Variants in CYLD observed in about 807,000 individuals in gnomAD.
CYLD encodes the protein ubiquitin carboxyl-terminal hydrolase CYLD.
In CYLD, 26 loss-of-function variants were observed where a neutral mutation model predicts 104.5. That is an observed-to-expected ratio of 0.25 (90% CI 0.18 to 0.35). CYLD has a LOEUF of 0.35. Among genes scored for constraint, CYLD ranks in the 10% least tolerant of loss-of-function variants. CYLD has a pLI of 1.00. For missense variants in CYLD, 703 were observed against 1,136.1 expected, an observed-to-expected ratio of 0.62 and a Z score of 5.48; for synonymous variants, 385 against 399.9, an observed-to-expected ratio of 0.96 and a Z score of 0.45.
At position 50,767,267 on chromosome 16, in the gene CYLD, G is replaced by A. The variant is rs185454819; in HGVS notation, c.914-7899G>A. Among the ~76,000 whole-genome samples, 267 of 152,200 alleles carry A rather than the reference G, an allele frequency of 1.8e-3. 1 individual carries two copies. The highest frequency in any genetic ancestry group is 2.7e-3 in the Non-Finnish European group (186 of 68,002). On this transcript the variant is annotated intron_variant, in intron 5 of 18. Coordinates refer to ENST00000427738, the MANE Select transcript of CYLD (RefSeq NM_001378743.1). ...GCAATGAAATATTTTTAAAATTAAG[G>A]TATATACATTATTTTCAATAACATA...
Position 50,780,026 on chromosome 16 carries a change from G to A in CYLD, c.1500G>A (p.Val500=), listed in dbSNP as rs2150991896. The part of the protein sequence containing the change: ...WIGQPPGLNE[V]LAGLELEDEC... The stretch of plus-strand genomic sequence containing the variant: ...GTCAGCCACCAGGACTGAATGAAGT[G>A]CTCGCTGGACTGGAACTGGTAATTT... The change falls in exon 9 of 19, where the codon GTG becomes GTA. Residue 500 remains valine, a synonymous_variant. Transcript: ENST00000427738. 8 of 1,614,106 alleles carry A rather than the reference G, an allele frequency of 5.0e-6. No homozygotes were observed. Among genetic ancestry groups the A allele is most frequent in the Non-Finnish European group, 6.8e-6 (8 of 1,179,990 alleles).
At chr16:50,796,193 A>C in intron 18 of CYLD, 131 bp from the exon 19 acceptor site, 1 of 841,114 alleles carries the variant, frequency 1.2e-6, no homozygotes. Flanking sequence ...TTTCACTTCC[A>C]GAAATCAGAA....
At chr16:50,774,395 AC>A (rs1423132857) in intron 5 of CYLD, among the ~76,000 whole-genome samples, 26 of 152,312 alleles carry the variant, frequency 1.7e-4, no homozygotes, top group African/African-American at 6.3e-4. Flanking sequence ...CCCTACGTAT[AC>A]TGTGTTTTTC....
At chr16:50,755,001 A>G (rs1209790190) in intron 5 of CYLD, among the ~76,000 whole-genome samples, 4 of 13,140 alleles carry the variant, frequency 3.0e-4, no homozygotes, top group Non-Finnish European at 5.4e-4. Flanking sequence ...ATATATGTAT[A>G]TATACATATA....
intron 2 of CYLD, among the ~76,000 whole-genome samples, chr16:50,748,696 G>A (rs1453627003): frequency 6.6e-6 from 1 of 151,996 alleles, no homozygotes; most frequent in Non-Finnish European, 1.5e-5. Context: ...TTTTAATATA[G>A]TCATATTATA....
chr16:50,783,152 G>C (rs1567450094), intron 11 of CYLD, among the ~76,000 whole-genome samples: 1 of 151,874 alleles, frequency 6.6e-6, no homozygotes, highest in Admixed American at 6.6e-5. Context: ...GGCTGGTCTC[G>C]AACGTCTCAC....
chr16:50,792,525 A>T, intron 15 of CYLD, 72 bp from the exon 16 acceptor site: 2 of 975,676 alleles, frequency 2.0e-6, no homozygotes, highest in Non-Finnish European at 3.2e-6. Context: ...GACAGCCATG[A>T]CTATTTTGGT....
chr16:50,775,844 G>A (rs1322331016), intron 6 of CYLD, among the ~76,000 whole-genome samples: 2 of 152,092 alleles, frequency 1.3e-5, no homozygotes, highest in Non-Finnish European at 2.9e-5. Flanking sequence ...GGGAAATGCT[G>A]TAAAAAACCG....
chr16:50,755,360 T>C (rs958842330), intron 5 of CYLD, among the ~76,000 whole-genome samples: 3 of 152,104 alleles, frequency 2.0e-5, no homozygotes, highest in African/African-American at 7.2e-5. Context: ...AGTATCTTTT[T>C]CCTATAATCA....
At chr16:50,764,964 C>T (rs534372755) in intron 5 of CYLD, among the ~76,000 whole-genome samples, 1 of 152,328 alleles carries the variant, frequency 6.6e-6, no homozygotes, top group Admixed American at 6.5e-5. Context: ...ATGGGGGAAT[C>T]ACTTGAAAAA....
intron 5 of CYLD, among the ~76,000 whole-genome samples, chr16:50,763,516 T>A (rs1008723838): frequency 2.1e-4 from 32 of 152,204 alleles, no homozygotes; most frequent in African/African-American, 7.0e-4. Flanking sequence ...GGTTTCTTCA[T>A]GTCCTTGTCA....
chr16:50,772,067 A>G (rs1258429450), intron 5 of CYLD, among the ~76,000 whole-genome samples: 1 of 152,202 alleles, frequency 6.6e-6, no homozygotes, highest in Non-Finnish European at 1.5e-5. Context: ...ATTTTAGAGT[A>G]ATCTTGTGTA....
At chr16:50,750,585 A>T (rs1966537325) in intron 3 of CYLD, among the ~76,000 whole-genome samples, 2 of 152,144 alleles carry the variant, frequency 1.3e-5, no homozygotes, top group African/African-American at 4.8e-5. Flanking sequence ...TCTTTTGTTT[A>T]CTTTTTAATG....
At chr16:50,788,788 T>C (rs1011845651) in intron 14 of CYLD, among the ~76,000 whole-genome samples, 1 of 152,186 alleles carries the variant, frequency 6.6e-6, no homozygotes, top group African/African-American at 2.4e-5. Flanking sequence ...TCAATAGCAT[T>C]TCTGTATACC....
intron 12 of CYLD, 75 bp downstream of exon 12, chr16:50,784,526 T>G (rs1321080363): frequency 1.4e-6 from 2 of 1,465,658 alleles, no homozygotes; most frequent in East Asian, 4.6e-5. Flanking sequence ...GTAATTAATT[T>G]ATACCTTGTC....
chr16:50,754,610 CT>C, intron 5 of CYLD, 186 bp downstream of exon 5: 6 of 551,706 alleles, frequency 1.1e-5, no homozygotes, highest in Non-Finnish European at 1.9e-5. Flanking sequence ...CATGTGTAGT[CT>C]TTTACCCCTT....
rs528253971 is a variant in CYLD, at chr16:50,775,183, C to A, written c.922+9C>A. On this transcript the variant is annotated intron_variant, in intron 6 of 18. Transcript: ENST00000427738. ...ACACACAGCTTTATCAGGTATGACT[C>A]CTAAGTGTCGTGTTGGACTCCACGG... 161 of 1,595,970 alleles carry A rather than the reference C, an allele frequency of 1.0e-4. 1 individual carries two copies. In the South Asian group the frequency reaches 1.7e-3, roughly 17 times the overall value.
intron 4 of CYLD, among the ~76,000 whole-genome samples, chr16:50,753,875 T>G (rs1389608498): frequency 1.3e-5 from 2 of 152,210 alleles, no homozygotes; most frequent in African/African-American, 4.8e-5. Flanking sequence ...GAAGTTCAGA[T>G]GGACTATTTA....
chr16:50,769,675 T>C (rs1011214190), intron 5 of CYLD, among the ~76,000 whole-genome samples: 1 of 151,792 alleles, frequency 6.6e-6, no homozygotes, highest in African/African-American at 2.4e-5. Context: ...AACATTAACA[T>C]GTTGTAAAAC....
Sources: gnomAD v4.1 joint callset for allele counts (sites outside exome capture counted in the v4.1 genomes callset) on GRCh38, gnomAD v4.1.1 for gene constraint, MANE v1.5 for transcripts, NCBI Gene and HGNC (gene_info 2026-07-23, HGNC 2026-07-21) for gene names.